The following AGAP2 variants were observed in gnomAD, a reference collection of about 807,000 sequenced individuals.
AGAP2 encodes arf-GAP with GTPase, ANK repeat and PH domain-containing protein 2.
In AGAP2, 32 loss-of-function variants were observed where a neutral mutation model predicts 110.9. The ratio of observed to expected loss-of-function variants is 0.29; its 90% CI spans 0.22 to 0.39. The LOEUF (loss-of-function observed/expected upper bound fraction) is 0.39, where lower values mean the gene tolerates loss of function less well. Among genes scored for constraint, AGAP2 ranks in the 10% least tolerant of loss-of-function variants. The pLI is 1.00. For missense variants in AGAP2, 1,285 were observed against 1,638.5 expected (o/e 0.78, Z 3.72); for synonymous variants, 702 against 713.0 (o/e 0.98, Z 0.25).
chr12:57,740,061 A>G (rs1955058422), upstream of AGAP2: 2 of 152,298 alleles, frequency 1.3e-5, no homozygotes. Context: ...GTCTCTCTGC[A>G]GCCTTGGAGA....
At chr12:57,724,762 G>C (rs1471212761), downstream of AGAP2, 2 of 152,230 alleles carry the variant, frequency 1.3e-5, no homozygotes, top group Non-Finnish European at 2.9e-5. Flanking sequence ...CCTCTGAACA[G>C]ATACTGTTCA....
At chr12:57,735,254 G>A (rs1954957606) in intron 2 of AGAP2, 115 bp downstream of exon 2, 15 of 1,025,336 alleles carry the variant, frequency 1.5e-5, no homozygotes, top group Non-Finnish European at 2.2e-5. Flanking sequence ...ACTGGAAAAC[G>A]ATTCCCTATT....
chr12:57,741,470 T>C (rs1398523276), upstream of AGAP2, among the ~76,000 whole-genome samples: 1 of 152,128 alleles, frequency 6.6e-6, no homozygotes, highest in Non-Finnish European at 1.5e-5. Flanking sequence ...TGTGTGTGTA[T>C]GTGTGTGCAT....
upstream of AGAP2, among the ~76,000 whole-genome samples, chr12:57,740,823 C>T (rs1955068661): frequency 6.6e-6 from 1 of 152,186 alleles, no homozygotes; most frequent in African/African-American, 2.4e-5. Flanking sequence ...GATCATCAGA[C>T]TGTCCCACTA....
At chr12:57,728,942 G>A (rs899173834) in intron 13 of AGAP2, among the ~76,000 whole-genome samples, 1 of 152,050 alleles carries the variant, frequency 6.6e-6, no homozygotes, top group Non-Finnish European at 1.5e-5. Context: ...TTGGGAGGCC[G>A]AGGCGGGCAG....
At chr12:57,730,735 C>T (rs1398284534) in intron 11 of AGAP2, 56 bp downstream of exon 11, 1 of 1,611,134 alleles carries the variant, frequency 6.2e-7, no homozygotes, top group Admixed American at 1.7e-5. Flanking sequence ...CCTCTTACCC[C>T]TCTTTTTCCC....
chr12:57,729,175 CAAAAAAA>C lies in AGAP2; in HGVS notation c.2557+457_2557+463del, dbSNP rs766183934. ...TGGGTGACAGAGTGAGACTCCATCT[CAAAAAAA>C]AAAAAAAAAAAGAAAAGAAAAAAAA... On this transcript the variant is annotated intron_variant, in intron 13 of 18. Coordinates refer to ENST00000547588, the MANE Select transcript of AGAP2 (RefSeq NM_001122772.3). Among the ~76,000 whole-genome samples the C allele has an allele frequency of 1.9e-4, 7 of 36,372 alleles. No individual in the cohort carries two copies. In the East Asian group the frequency reaches 3.1e-3, roughly 16 times the overall value. 23.9% of individuals were successfully genotyped at this position (36,372 alleles called of 152,430 possible).
upstream of AGAP2, among the ~76,000 whole-genome samples, chr12:57,741,597 C>T (rs1955077130): frequency 6.6e-6 from 1 of 152,144 alleles, no homozygotes; most frequent in African/African-American, 2.4e-5. Context: ...CTCTGGACTC[C>T]CCAGGCAGGG....
intron 13 of AGAP2, among the ~76,000 whole-genome samples, chr12:57,728,887 C>G (rs140950588): frequency 6.6e-6 from 1 of 152,096 alleles, no homozygotes; most frequent in African/African-American, 2.4e-5. Context: ...AGGCCGGGCA[C>G]GGTGACTCAT....
chr12:57,737,464 T>TCCAGCC lies in AGAP2; in HGVS notation c.777_782dup (p.Gly261_Ala262dup), dbSNP rs750515759. ...TCCGAGGGGACAACTTCCCTCGGGC[T>TCCAGCC]CCAGCCCCAGCCCCGACCCCACCAG... On this transcript the variant is annotated inframe_insertion, in exon 1 of 19. Transcript: ENST00000547588. The surrounding 1 kb of genome is among the most constrained non-coding windows in gnomAD (Gnocchi z 5.9). 3.1e-6 allele frequency: 5 copies of TCCAGCC among 1,611,770 alleles called. No homozygotes were observed. The highest frequency in any genetic ancestry group is 4.2e-6 in the Non-Finnish European group (5 of 1,179,180).
rs1954960433 is a variant in AGAP2, at chr12:57,735,366, T to C, written c.1227+3A>G. On this transcript the variant is annotated splice_donor_region_variant and intron_variant, in intron 2 of 18. Transcript: ENST00000547588. ...CTATAGGCAAGGGGACTGGGTTACC[T>C]ACCAGGCGCAGTTCAGGAATGGAGC... 6.2e-7 allele frequency: 1 copy of C among 1,613,844 alleles called. No homozygotes were observed. Among genetic ancestry groups the C allele is most frequent in the Non-Finnish European group, 8.5e-7 (1 of 1,179,910 alleles).
At chr12:57,728,725 G>C (rs1241574935) in intron 13 of AGAP2, among the ~76,000 whole-genome samples, 1 of 152,158 alleles carries the variant, frequency 6.6e-6, no homozygotes, top group East Asian at 1.9e-4. Flanking sequence ...GAACACGGGG[G>C]AAGGGGACAG....
Position 57,731,822 on chromosome 12 carries a change from G to C in AGAP2, c.1940C>G (p.Thr647Ser). 1.3e-6 allele frequency: 2 copies of C among 1,578,306 alleles called. No individual in the cohort carries two copies. Among genetic ancestry groups the C allele is most frequent in the Non-Finnish European group, 1.7e-6 (2 of 1,162,276 alleles). Residue 647 changes from threonine to serine, a missense_variant, in exon 8 of 19, where the codon ACC becomes AGC. Physicochemically the swap from Thr to Ser is moderately conservative, Grantham distance 58 (BLOSUM62 1). Around this residue, in one of 7 missense-constraint regions of AGAP2, gnomAD observed 844 missense variants for 941.2 expected, o/e 0.90. Transcript: ENST00000547588. Reference protein sequence around the residue: ...GSLHRAAKRRTSLFANRRGSD... With the variant: ...GSLHRAAKRRSSLFANRRGSD... The stretch of plus-strand genomic sequence containing the variant: ...CATGTCCAATACCGCAAAAAGGCTG[G>C]TCCTGCGCTTGGCTGCCCGGTGCAG...
At chr12:57,731,051 G>A (rs1954876113) in intron 10 of AGAP2, 98 bp from the exon 11 acceptor site, 1 of 1,287,490 alleles carries the variant, frequency 7.8e-7, no homozygotes, top group East Asian at 2.5e-5. Flanking sequence ...ACTGGGGAGG[G>A]GTCTTGGGGG....
Position 57,734,128 on chromosome 12 carries a change from C to A in AGAP2, c.1447G>T (p.Asp483Tyr). ...DAVIFVFSLE[D>Y]ENSFQAVSRL... ...CTCACAGCCTGGAAACTGTTCTCAT[C>A]CTCCAGGCTGAAGACGAAGATCACA... The change falls in exon 5 of 19, where the codon GAT (aspartate) becomes TAT (tyrosine). Residue 483 changes from aspartate to tyrosine, a missense_variant. Asp to Tyr is a radical substitution (Grantham distance 160). Around this residue, in one of 7 missense-constraint regions of AGAP2, gnomAD observed 844 missense variants for 941.2 expected, o/e 0.90. Coordinates refer to ENST00000547588, the MANE Select transcript of AGAP2 (RefSeq NM_001122772.3). The A allele has an allele frequency of 6.2e-7, 1 of 1,613,406 alleles. No homozygotes were observed. Among genetic ancestry groups the A allele is most frequent in the Non-Finnish European group, 8.5e-7 (1 of 1,179,610 alleles).
At position 57,737,488 on chromosome 12, in the gene AGAP2, A is replaced by C. The variant is rs1479950123; in HGVS notation, c.759T>G (p.Ser253=). The C allele has an allele frequency of 6.2e-7, 1 of 1,605,132 alleles. No homozygotes were observed. Among genetic ancestry groups the C allele is most frequent in the African/African-American group, 1.3e-5 (1 of 74,822 alleles). ...AGGGGSTAST[S]GGVGAGAGAR... is the part of the protein sequence containing the mutation. ...CTCCAGCCCCAGCCCCGACCCCACC[A>C]GAGGTCGAAGCTGTAGAGCCCCCTC... Residue 253 remains serine (S), a synonymous_variant, in exon 1 of 19, where the codon TCT becomes TCG. Coordinates refer to ENST00000547588, the MANE Select transcript of AGAP2 (RefSeq NM_001122772.3). The surrounding 1 kb of genome is among the most constrained non-coding windows in gnomAD (Gnocchi z 5.9).
upstream of AGAP2, among the ~76,000 whole-genome samples, chr12:57,739,342 T>TC (rs1955048454): frequency 6.6e-6 from 1 of 152,080 alleles, no homozygotes; most frequent in African/African-American, 2.4e-5. Context: ...CCTGGACGGT[T>TC]CCCGTTCTCA....
At chr12:57,727,908 C>T in intron 15 of AGAP2, 29 bp downstream of exon 15, 1 of 1,612,590 alleles carries the variant, frequency 6.2e-7, no homozygotes, top group Non-Finnish European at 8.5e-7. Flanking sequence ...TTCCTGCGGC[C>T]AGTCCTCCAC....
chr12:57,738,404 G>T lies in AGAP2; in HGVS notation c.-158C>A. 2 of 765,330 alleles carry T rather than the reference G, an allele frequency of 2.6e-6. No individual in the cohort carries two copies. Among genetic ancestry groups the T allele is most frequent in the Non-Finnish European group, 1.6e-6 (1 of 629,348 alleles). 47.4% of individuals were successfully genotyped at this position (765,330 alleles called of 1,614,324 possible). Reference sequence around the variant, plus strand: ...TGTCGCCGCCGCCTCCGCCGCCTCCGCTTGCGCCCCCCTCCCATCACATGG... The same window carrying T: ...TGTCGCCGCCGCCTCCGCCGCCTCCTCTTGCGCCCCCCTCCCATCACATGG... On this transcript the variant is annotated 5_prime_UTR_variant, in exon 1 of 19. Transcript: ENST00000547588. This position sits in a 1 kb window ranked among gnomAD's most constrained non-coding sequence, Gnocchi z 6.7.
Sources: gnomAD v4.1 joint callset for allele counts (sites outside exome capture counted in the v4.1 genomes callset) on GRCh38, gnomAD v4.1.1 for gene constraint, gnomAD v4.1.1 regional missense constraint, Gnocchi (gnomAD v3.1) non-coding constraint, MANE v1.5 for transcripts, NCBI Gene and HGNC (gene_info 2026-07-23, HGNC 2026-07-21) for gene names.